HDAC8: variants seen among roughly 807,000 people sequenced by gnomAD.
HDAC8 encodes histone deacetylase 8.
Under a neutral mutation model 32.2 loss-of-function variants are expected in HDAC8, and 1 was observed. The ratio of observed to expected loss-of-function variants is 0.03; its 90% CI spans 0.01 to 0.15. The LOEUF (loss-of-function observed/expected upper bound fraction) is 0.15. Ranked by LOEUF, HDAC8 falls within the 10% of genes least tolerant of loss-of-function variation. The pLI is 1.00. For missense variants in HDAC8, 117 were observed against 300.0 expected (o/e 0.39, Z 4.51); for synonymous variants, 108 against 113.9 (o/e 0.95, Z 0.33).
intron 4 of HDAC8, among the ~76,000 whole-genome samples, chrX:72,538,853 T>G (rs1261776939): frequency 9.0e-6 from 1 of 111,708 alleles, no homozygotes; most frequent in Non-Finnish European, 1.9e-5. Context: ...TTCCATTAAA[T>G]AGATGGAAAA....
chrX:72,470,033 A>G (rs1470260921), intron 7 of HDAC8, among the ~76,000 whole-genome samples: 1 of 109,925 alleles, frequency 9.1e-6, no homozygotes, highest in Non-Finnish European at 1.9e-5. Flanking sequence ...CTGTAATCCC[A>G]GCTACTTGGG....
chrX:72,329,809 T>C lies in HDAC8; in HGVS notation c.*245A>G. ...AATTTCATTTGTGTGTGTGTGTTTT[T>C]TTAAATAAGAACTTTAAATGTGGGA... is the stretch of plus-strand genomic sequence containing the variant. On this transcript the variant is annotated 3_prime_UTR_variant, in exon 11 of 11. Coordinates refer to ENST00000373573, the MANE Select transcript of HDAC8 (RefSeq NM_018486.3). 9.4e-7 allele frequency: 1 copy of C among 1,066,857 alleles called. No individual in the cohort carries two copies. Among genetic ancestry groups the C allele is most frequent in the Non-Finnish European group, 1.3e-6 (1 of 786,572 alleles). 87.9% of individuals were successfully genotyped at this position (1,066,857 alleles called of 1,213,427 possible). A position where few individuals can be genotyped will look rare whatever the true frequency, so the allele number is the denominator to read the frequency against.
chrX:72,360,980 A>C (rs1202680065), intron 9 of HDAC8, among the ~76,000 whole-genome samples: 1 of 112,030 alleles, frequency 8.9e-6, no homozygotes, highest in Non-Finnish European at 1.9e-5. Context: ...GTGAGCAGGC[A>C]GGAGGATGGG....
At chrX:72,439,173 A>G (rs2047044045) in intron 9 of HDAC8, among the ~76,000 whole-genome samples, 1 of 111,937 alleles carries the variant, frequency 8.9e-6, no homozygotes, top group African/African-American at 3.2e-5. Flanking sequence ...ATTCTTAAAG[A>G]AAAGAATTTT....
At chrX:72,467,799 A>T in intron 7 of HDAC8, 1 of 522,437 alleles carries the variant, frequency 1.9e-6, no homozygotes, top group Non-Finnish European at 3.0e-6. Flanking sequence ...AAGGATAAGG[A>T]GGAAGAGATA....
chrX:72,382,077 T>G (rs1329151011), intron 9 of HDAC8, among the ~76,000 whole-genome samples: 1 of 112,581 alleles, frequency 8.9e-6, no homozygotes, highest in South Asian at 3.7e-4. Flanking sequence ...CCCACCAAGC[T>G]GATGGTTTTT....
intron 7 of HDAC8, among the ~76,000 whole-genome samples, chrX:72,472,127 G>A (rs1431207311): frequency 1.3e-4 from 14 of 105,847 alleles, no homozygotes; most frequent in Non-Finnish European, 2.7e-4. Context: ...GAGTGCAGTG[G>A]CGGGATCTCG....
chrX:72,418,292 G>A (rs1228760984), intron 9 of HDAC8, among the ~76,000 whole-genome samples: 2 of 111,079 alleles, frequency 1.8e-5, no homozygotes, highest in East Asian at 5.6e-4. Flanking sequence ...AGAATGGGAG[G>A]AAATATTTGC....
chrX:72,517,755 C>T (rs183670492), intron 4 of HDAC8, among the ~76,000 whole-genome samples: 200 of 112,069 alleles, frequency 1.8e-3, no homozygotes, highest in African/African-American at 6.1e-3. Flanking sequence ...TCTGGACTCC[C>T]AATTCTATTC....
chrX:72,539,167 A>G (rs1241296132), intron 4 of HDAC8, among the ~76,000 whole-genome samples: 1 of 112,339 alleles, frequency 8.9e-6, no homozygotes, highest in Non-Finnish European at 1.9e-5. Flanking sequence ...TGTTAACAAT[A>G]GAGGAAACTG....
intron 9 of HDAC8, among the ~76,000 whole-genome samples, chrX:72,417,067 T>C: frequency 9.0e-6 from 1 of 111,369 alleles, no homozygotes; most frequent in Non-Finnish European, 1.9e-5. Context: ...TTCAGTGACA[T>C]TAGTTACAAT....
chrX:72,463,785 C>T (rs1438445793), intron 8 of HDAC8, among the ~76,000 whole-genome samples: 3 of 111,554 alleles, frequency 2.7e-5, no homozygotes, highest in East Asian at 2.8e-4. Flanking sequence ...AAACAACCAA[C>T]AATTAGCTCT....
intron 10 of HDAC8, among the ~76,000 whole-genome samples, chrX:72,341,071 C>T (rs1419022253): frequency 3.6e-5 from 4 of 111,558 alleles, no homozygotes; most frequent in African/African-American, 9.8e-5. Flanking sequence ...GTGGTGGTCT[C>T]ATGATTGCTC....
intron 9 of HDAC8, among the ~76,000 whole-genome samples, chrX:72,374,756 CTG>C (rs1555957521): frequency 3.7e-5 from 4 of 109,547 alleles, no homozygotes; most frequent in African/African-American, 1.3e-4. Flanking sequence ...TTTCCCCATT[CTG>C]TGAGTTGTCT....
intron 9 of HDAC8, among the ~76,000 whole-genome samples, chrX:72,442,627 C>T (rs1383534926): frequency 8.9e-6 from 1 of 111,776 alleles, no homozygotes; most frequent in Non-Finnish European, 1.9e-5. Context: ...ACTGCATCAA[C>T]TAACGAGCAA....
intron 9 of HDAC8, among the ~76,000 whole-genome samples, chrX:72,372,149 C>T (rs2044897825): frequency 9.0e-6 from 1 of 110,683 alleles, no homozygotes; most frequent in Non-Finnish European, 1.9e-5. Context: ...CATATTTTAA[C>T]CTAATCTTGA....
intron 4 of HDAC8, among the ~76,000 whole-genome samples, chrX:72,535,429 C>G (rs994322253): frequency 2.4e-4 from 27 of 110,385 alleles, no homozygotes; most frequent in African/African-American, 8.6e-4. Context: ...CTTTTAGTGC[C>G]CTTGTGTCTC....
Position 72,467,766 on chromosome X carries a change from C to CA in HDAC8, c.738-3036dup, listed in dbSNP as rs1426908705. ...CCCTGAAGGTTGATGAGGGCTTTTG[C>CA]AACCATCCAGGCCAGTGACAGCAAG... On this transcript the variant is annotated intron_variant, in intron 7 of 10. Coordinates refer to ENST00000373573, the MANE Select transcript of HDAC8 (RefSeq NM_018486.3). The CA allele has an allele frequency of 7.3e-6, 3 of 412,842 alleles. No homozygotes were observed. The African/African-American group carries it at 7.8e-5, about 11-fold the overall frequency. The allele number at this position is 412,842 out of a possible 1,213,427, so 34.0% of individuals were successfully genotyped here.
chrX:72,347,463 G>GT (rs782590429), intron 10 of HDAC8, among the ~76,000 whole-genome samples: 2 of 111,781 alleles, frequency 1.8e-5, no homozygotes, highest in Admixed American at 1.9e-4. Flanking sequence ...AGTTACAACT[G>GT]TAACACATTC....
Sources: gnomAD v4.1 joint callset for allele counts (sites outside exome capture counted in the v4.1 genomes callset) on GRCh38, gnomAD v4.1.1 for gene constraint, MANE v1.5 for transcripts, NCBI Gene and HGNC (gene_info 2026-07-23, HGNC 2026-07-21) for gene names.